HMGN5: variants seen among roughly 807,000 people sequenced by gnomAD.
The protein encoded by HMGN5 is high mobility group nucleosome binding domain 5.
A neutral mutation model predicts 9.5 loss-of-function variants in HMGN5; 4 were observed. The ratio of observed to expected loss-of-function variants is 0.42; its 90% CI spans 0.21 to 0.96. The LOEUF is 0.96. Among genes scored for constraint, HMGN5 ranks in the 40% least tolerant of loss-of-function variants. HMGN5 has a pLI of 0.30. For synonymous variants in HMGN5, 55 were observed against 57.1 expected (o/e 0.96, Z 0.16); for missense variants, 192 against 187.5 (o/e 1.02, Z -0.14).
In HMGN5 at chrX:81,118,753, T is replaced by G; in HGVS notation, c.52A>C (p.Arg18=). The change falls in exon 4 of 7, where the codon AGA becomes CGA. Residue 18 remains arginine (R), a synonymous_variant. Transcript: ENST00000358130. ...ACAGCAGACAACCTGGCAGATCTTC[T>G]CTTTGGCTATAAGTTAAAAACAAAA... The part of the protein sequence containing the change: ...GQGDMRQEPK[R]RSARLSAMLV... 8.4e-7 allele frequency: 1 copy of G among 1,189,261 alleles called. No individual in the cohort carries two copies. Among genetic ancestry groups the G allele is most frequent in the Non-Finnish European group, 1.1e-6 (1 of 879,662 alleles).
At chrX:81,133,403 C>A (rs1360094879) in intron 1 of HMGN5, among the ~76,000 whole-genome samples, 1 of 111,358 alleles carries the variant, frequency 9.0e-6, no homozygotes, top group Non-Finnish European at 1.9e-5. Flanking sequence ...AAGACACCTG[C>A]AAACATTTGT....
At chrX:81,192,694 T>G (rs1458241668) in intron 1 of HMGN5, among the ~76,000 whole-genome samples, 1 of 112,100 alleles carries the variant, frequency 8.9e-6, no homozygotes, top group African/African-American at 3.2e-5. Context: ...TATATGAAAG[T>G]GTCTTTATTT....
chrX:81,169,570 G>A (rs1385671314), intron 1 of HMGN5, among the ~76,000 whole-genome samples: 5 of 111,397 alleles, frequency 4.5e-5, no homozygotes, highest in African/African-American at 1.6e-4. Flanking sequence ...AACTCAAGAT[G>A]AGTTCAAAGA....
intron 1 of HMGN5, among the ~76,000 whole-genome samples, chrX:81,168,970 A>G (rs749946475): frequency 1.8e-5 from 2 of 111,085 alleles, no homozygotes; most frequent in Non-Finnish European, 3.8e-5. Flanking sequence ...AGTGGTTGTC[A>G]TCATAAGTAA....
chrX:81,180,964 CTG>C (rs2075461162), intron 1 of HMGN5, among the ~76,000 whole-genome samples: 1 of 110,996 alleles, frequency 9.0e-6, no homozygotes, highest in South Asian at 3.9e-4. Context: ...AAACCAAACA[CTG>C]TATATTCTCA....
intron 1 of HMGN5, among the ~76,000 whole-genome samples, chrX:81,175,933 C>G (rs2075440412): frequency 8.9e-6 from 1 of 112,034 alleles, no homozygotes; most frequent in Non-Finnish European, 1.9e-5. Flanking sequence ...GTTCTCCCAA[C>G]ATGGTGTTTG....
intron 1 of HMGN5, among the ~76,000 whole-genome samples, chrX:81,123,012 TTTAA>T (rs2075273668): frequency 9.0e-6 from 1 of 111,166 alleles, no homozygotes; most frequent in African/African-American, 3.3e-5. Context: ...AAAAAAGAAA[TTTAA>T]CCTTTTGAAC....
intron 1 of HMGN5, among the ~76,000 whole-genome samples, chrX:81,177,424 T>C (rs1257061259): frequency 2.1e-5 from 2 of 96,033 alleles, no homozygotes; most frequent in African/African-American, 7.7e-5. Flanking sequence ...CTAGTCTCTG[T>C]TAAAACAGAT....
chrX:81,118,402 T>A, intron 5 of HMGN5, 30 bp downstream of exon 5: 1 of 1,034,278 alleles, frequency 9.7e-7, no homozygotes, highest in East Asian at 3.1e-5. Context: ...AAAAGCAAAT[T>A]TATTTCAATA....
At chrX:81,147,737 C>T (rs201038553) in intron 1 of HMGN5, among the ~76,000 whole-genome samples, 6 of 111,717 alleles carry the variant, frequency 5.4e-5, no homozygotes, top group Middle Eastern at 4.2e-3. Context: ...AAAACCCCAT[C>T]GTCTCAGCCC....
chrX:81,173,818 TTGAA>T (rs1206293588), intron 1 of HMGN5, among the ~76,000 whole-genome samples: 1 of 111,772 alleles, frequency 8.9e-6, no homozygotes, highest in Non-Finnish European at 1.9e-5. Context: ...TAAACTGTCT[TTGAA>T]TGAATGTAAC....
intron 1 of HMGN5, among the ~76,000 whole-genome samples, chrX:81,162,101 A>G (rs1316639210): frequency 9.0e-6 from 1 of 111,169 alleles, no homozygotes; most frequent in East Asian, 2.8e-4. Flanking sequence ...TAAGGATCTT[A>G]AGGACAGATA....
intron 1 of HMGN5, among the ~76,000 whole-genome samples, chrX:81,176,888 C>A (rs1320232823): frequency 9.0e-6 from 1 of 110,740 alleles, no homozygotes; most frequent in African/African-American, 3.3e-5. Context: ...ACTTCCCCAA[C>A]CTAGAAAGAC....
chrX:81,185,842 CA>C (rs2075475763), intron 1 of HMGN5, among the ~76,000 whole-genome samples: 1 of 111,142 alleles, frequency 9.0e-6, no homozygotes, highest in Non-Finnish European at 1.9e-5. Flanking sequence ...GGATTTTTTT[CA>C]AATGCTTTTT....
intron 1 of HMGN5, among the ~76,000 whole-genome samples, chrX:81,147,117 A>G (rs1428386128): frequency 8.9e-6 from 1 of 111,937 alleles, no homozygotes; most frequent in Non-Finnish European, 1.9e-5. Context: ...CAAACAATAG[A>G]AAAAAAGGGA....
intron 1 of HMGN5, among the ~76,000 whole-genome samples, chrX:81,177,146 T>G (rs2075444505): frequency 1.8e-5 from 2 of 109,109 alleles, no homozygotes; most frequent in South Asian, 4.0e-4. Context: ...TTCAACATTC[T>G]TAAAGAACTA....
chrX:81,134,032 A>G, intron 1 of HMGN5, among the ~76,000 whole-genome samples: 1 of 111,591 alleles, frequency 9.0e-6, no homozygotes. Flanking sequence ...TTTGTTTTCC[A>G]GGAGTACAAT....
At chrX:81,118,354 A>G in intron 5 of HMGN5, 78 bp downstream of exon 5, 1 of 552,452 alleles carries the variant, frequency 1.8e-6, no homozygotes, top group South Asian at 3.3e-5. Flanking sequence ...AAGTAAAATG[A>G]TCAGCTGTAT....
At chrX:81,178,532 G>A (rs1054033524) in intron 1 of HMGN5, among the ~76,000 whole-genome samples, 3 of 111,522 alleles carry the variant, frequency 2.7e-5, no homozygotes, top group Non-Finnish European at 5.7e-5. Context: ...TCTCTGAATA[G>A]ACCAAAAACA....
Sources: gnomAD v4.1 joint callset for allele counts (sites outside exome capture counted in the v4.1 genomes callset) on GRCh38, gnomAD v4.1.1 for gene constraint, MANE v1.5 for transcripts, NCBI Gene and HGNC (gene_info 2026-07-23, HGNC 2026-07-21) for gene names.